ATG101: variants seen among roughly 807,000 people sequenced by gnomAD.
The protein encoded by ATG101 is autophagy related 101.
A neutral mutation model predicts 16.7 loss-of-function variants in ATG101; 6 were observed. The ratio of observed to expected loss-of-function variants is 0.36; its 90% CI spans 0.20 to 0.71. The LOEUF is 0.71. Ranked by LOEUF, ATG101 falls within the 30% of genes least tolerant of loss-of-function variation. ATG101 has a pLI of 0.57. For synonymous variants in ATG101, 108 were observed against 118.1 expected (o/e 0.91, Z 0.56); for missense variants, 200 against 292.5 (o/e 0.68, Z 2.31).
At chr12:52,072,840 T>A (rs1413196704) in intron 2 of ATG101, among the ~76,000 whole-genome samples, 1 of 152,120 alleles carries the variant, frequency 6.6e-6, no homozygotes, top group Admixed American at 6.5e-5. Flanking sequence ...TGGCATGATC[T>A]CAGCTCACTG....
upstream of ATG101, among the ~76,000 whole-genome samples, chr12:52,066,243 G>A (rs1939548527): frequency 2.0e-5 from 3 of 152,228 alleles, no homozygotes; most frequent in Non-Finnish European, 4.4e-5. Context: ...AGCTGATGGT[G>A]TCATTGCAGT....
chr12:52,076,742 G>C, intron 3 of ATG101, 44 bp from the exon 4 acceptor site: 1 of 1,590,206 alleles, frequency 6.3e-7, no homozygotes, highest in Non-Finnish European at 8.6e-7. Context: ...TCACAGGTGG[G>C]AACTCAGAGG....
At chr12:52,074,760 A>G (rs1592318031) in intron 3 of ATG101, among the ~76,000 whole-genome samples, 1 of 151,932 alleles carries the variant, frequency 6.6e-6, no homozygotes, top group African/African-American at 2.4e-5. Context: ...GGAGTTCAAG[A>G]CCAGCCCTGG....
chr12:52,072,694 C>T (rs887016168), intron 2 of ATG101, among the ~76,000 whole-genome samples: 6 of 152,036 alleles, frequency 3.9e-5, no homozygotes, highest in African/African-American at 1.4e-4. Flanking sequence ...AGTTTGTGAC[C>T]CCAATACGGT....
chr12:52,074,079 G>A (rs981855981), intron 3 of ATG101, among the ~76,000 whole-genome samples, 177 bp downstream of exon 3: 18 of 143,976 alleles, frequency 1.3e-4, no homozygotes, highest in East Asian at 7.5e-4. Context: ...AGGGGAGGGC[G>A]CGCGGGCGCG....
upstream of ATG101, among the ~76,000 whole-genome samples, chr12:52,066,295 C>A (rs1939548851): frequency 1.3e-5 from 2 of 152,192 alleles, no homozygotes; most frequent in South Asian, 4.1e-4. Context: ...GCAGTTGGAA[C>A]CTGAAAGCAG....
intron 3 of ATG101, among the ~76,000 whole-genome samples, chr12:52,076,134 G>A (rs921424292): frequency 1.6e-4 from 25 of 152,124 alleles, no homozygotes; most frequent in Admixed American, 6.5e-5. Flanking sequence ...CTCCAGCCTG[G>A]GTGACAGAGT....
chr12:52,073,669 G>C lies in ATG101; in HGVS notation c.19G>C (p.Val7Leu), dbSNP rs146515328. The change falls in exon 3 of 4, where the codon GTG becomes CTG. Residue 7 changes from valine (V) to leucine (L), a missense_variant. Transcript: ENST00000336854. Reference protein sequence around the residue: MNCRSEVLEVSVEGRQV... With the variant: MNCRSELLEVSVEGRQV... ...GTGCAGGATGAACTGTCGCTCGGAG[G>C]TGCTGGAGGTGTCGGTGGAGGGGCG... 1 of 1,613,700 alleles carries C rather than the reference G, an allele frequency of 6.2e-7. No homozygotes were observed. The highest frequency in any genetic ancestry group is 8.5e-7 in the Non-Finnish European group (1 of 1,179,824).
At chr12:52,066,174 G>C (rs751572561), upstream of ATG101, among the ~76,000 whole-genome samples, 3 of 152,204 alleles carry the variant, frequency 2.0e-5, no homozygotes, top group Non-Finnish European at 4.4e-5. Flanking sequence ...ACCACACCCG[G>C]CCGAGAGGGA....
At position 52,073,671 on chromosome 12, in the gene ATG101, G is replaced by T; in HGVS notation, c.21G>T (p.Val7=). MNCRSE[V]LEVSVEGRQV... ...GCAGGATGAACTGTCGCTCGGAGGT[G>T]CTGGAGGTGTCGGTGGAGGGGCGGC... is the stretch of plus-strand genomic sequence containing the variant. Residue 7 remains valine, a synonymous_variant, in exon 3 of 4, where the codon GTG becomes GTT. Transcript: ENST00000336854. 6.2e-7 allele frequency: 1 copy of T among 1,613,872 alleles called. No homozygotes were observed. The highest frequency in any genetic ancestry group is 8.5e-7 in the Non-Finnish European group (1 of 1,179,854).
chr12:52,072,722 C>T (rs1335850377), intron 2 of ATG101, among the ~76,000 whole-genome samples: 2 of 151,700 alleles, frequency 1.3e-5, no homozygotes, highest in Non-Finnish European at 2.9e-5. Context: ...CATTCTTTGC[C>T]CTTTAGCCAA....
chr12:52,077,436 C>T lies in ATG101; in HGVS notation c.*246C>T. 3.6e-6 allele frequency: 2 copies of T among 554,810 alleles called. No homozygotes were observed. The highest frequency in any genetic ancestry group is 2.3e-5 in the South Asian group (1 of 43,922). The allele number at this position is 554,810 out of a possible 1,614,324, so 34.4% of individuals were successfully genotyped here. A position where few individuals can be genotyped will look rare whatever the true frequency, so the allele number is the denominator to read the frequency against. On this transcript the variant is annotated 3_prime_UTR_variant, in exon 4 of 4. Transcript: ENST00000336854. ...TGGTGGGGTCCCCCTTCTTTCTCCACTGTACAGAAGAGCCACCACTGGGAT... is the reference window on the plus strand; with the variant it reads ...TGGTGGGGTCCCCCTTCTTTCTCCATTGTACAGAAGAGCCACCACTGGGAT...
At chr12:52,067,788 G>A (rs542250761), upstream of ATG101, among the ~76,000 whole-genome samples, 1 of 151,030 alleles carries the variant, frequency 6.6e-6, no homozygotes, top group Non-Finnish European at 1.5e-5. Flanking sequence ...TAGAGACAGG[G>A]TTTCACCATG....
At chr12:52,065,501 T>A (rs772470631), upstream of ATG101, among the ~76,000 whole-genome samples, 2 of 148,742 alleles carry the variant, frequency 1.3e-5, no homozygotes, top group Non-Finnish European at 3.0e-5. Flanking sequence ...AATCCCAGTT[T>A]TTTAACCACT....
At chr12:52,075,516 C>A (rs1254002311) in intron 3 of ATG101, among the ~76,000 whole-genome samples, 1 of 152,210 alleles carries the variant, frequency 6.6e-6, no homozygotes, top group Non-Finnish European at 1.5e-5. Flanking sequence ...GATGCATTAG[C>A]CATTCAAGGT....
In ATG101 at chr12:52,077,282, C is replaced by T; in HGVS notation, c.*92C>T. On this transcript the variant is annotated 3_prime_UTR_variant, in exon 4 of 4. Coordinates refer to ENST00000336854, the MANE Select transcript of ATG101 (RefSeq NM_021934.5). ...GGGCCTTTGGGCTCTGGAACCTGCTCTGGGTCATTGGTGAGACTTGGAAGG... is the reference window on the plus strand; with the variant it reads ...GGGCCTTTGGGCTCTGGAACCTGCTTTGGGTCATTGGTGAGACTTGGAAGG... The T allele has an allele frequency of 7.1e-7, 1 of 1,418,268 alleles. No homozygotes were observed. The highest frequency in any genetic ancestry group is 9.6e-7 in the Non-Finnish European group (1 of 1,046,830). The allele number at this position is 1,418,268 out of a possible 1,614,324, so 87.9% of individuals were successfully genotyped here.
Position 52,076,777 on chromosome 12 carries a change from T to G in ATG101, c.253-9T>G, listed in dbSNP as rs1163282919. 1 of 1,610,554 alleles carries G rather than the reference T, an allele frequency of 6.2e-7. No homozygotes were observed. Among genetic ancestry groups the G allele is most frequent in the Non-Finnish European group, 8.5e-7 (1 of 1,177,114 alleles). ...GCCTTGGCTTGCTCATTCGTTCCCT[T>G]CTTCCCAGGATGCACTGCGCAACTC... is the stretch of plus-strand genomic sequence containing the variant. On this transcript the variant is annotated splice_polypyrimidine_tract_variant and intron_variant, in intron 3 of 3. Coordinates refer to ENST00000336854, the MANE Select transcript of ATG101 (RefSeq NM_021934.5).
At chr12:52,073,237 A>G (rs941546416) in intron 2 of ATG101, among the ~76,000 whole-genome samples, 1 of 152,176 alleles carries the variant, frequency 6.6e-6, no homozygotes, top group African/African-American at 2.4e-5. Context: ...CTCCGTGGTG[A>G]TAATGTTTAG....
chr12:52,077,080 C>T lies in ATG101; in HGVS notation c.547C>T (p.Arg183Trp), dbSNP rs752678225. Residue 183 changes from arginine to tryptophan, a missense_variant, in exon 4 of 4, where the codon CGG becomes TGG. Coordinates refer to ENST00000336854, the MANE Select transcript of ATG101 (RefSeq NM_021934.5). Reference protein sequence around the residue: ...EVDNVFDTGLRDVQPYLYKIS... With the variant: ...EVDNVFDTGLWDVQPYLYKIS... Reference sequence around the variant, plus strand: ...GGATAACGTGTTTGACACAGGCTTGCGGGACGTGCAGCCCTACCTGTACAA... The same window carrying T: ...GGATAACGTGTTTGACACAGGCTTGTGGGACGTGCAGCCCTACCTGTACAA... The T allele has an allele frequency of 1.3e-5, 21 of 1,614,044 alleles. No individual in the cohort carries two copies. The highest frequency in any genetic ancestry group is 6.7e-5 in the African/African-American group (5 of 74,904).
Sources: gnomAD v4.1 joint callset for allele counts (sites outside exome capture counted in the v4.1 genomes callset) on GRCh38, gnomAD v4.1.1 for gene constraint, MANE v1.5 for transcripts, NCBI Gene and HGNC (gene_info 2026-07-23, HGNC 2026-07-21) for gene names.